RFLNA: variants seen among roughly 807,000 people sequenced by gnomAD.
The protein encoded by RFLNA is refilin-A.
RFLNA carries 5 observed loss-of-function variants against 7.8 expected under a neutral mutation model. The observed-to-expected ratio is 0.64, with a 90% CI of 0.34 to 1.35. The LOEUF is 1.35. RFLNA is among the 40% of genes most tolerant of loss of function. The probability of loss-of-function intolerance (pLI) is 0.04; values close to 1 mark genes in which losing one functional copy is unlikely to be tolerated. For synonymous variants in RFLNA, 141 were observed against 131.3 expected, an observed-to-expected ratio of 1.07 and a Z score of -0.50; for missense variants, 278 against 305.5, an observed-to-expected ratio of 0.91 and a Z score of 0.67.
upstream of RFLNA, among the ~76,000 whole-genome samples, chr12:124,293,490 T>C (rs866164768): frequency 1.3e-5 from 2 of 152,096 alleles, no homozygotes; most frequent in Admixed American, 6.5e-5. Flanking sequence ...GCTTTCGTCC[T>C]AGTCAGTGAC....
At chr12:124,304,250 G>A (rs1261551933) in intron 1 of RFLNA, among the ~76,000 whole-genome samples, 1 of 152,276 alleles carries the variant, frequency 6.6e-6, no homozygotes, top group Non-Finnish European at 1.5e-5. Context: ...AGCTCCGCGG[G>A]AGTGTCCTGG....
upstream of RFLNA, among the ~76,000 whole-genome samples, chr12:124,294,181 G>A (rs147718628): frequency 5.0e-3 from 762 of 152,264 alleles, 5 homozygotes; most frequent in African/African-American, 0.014. Flanking sequence ...CCGGCTTCCC[G>A]CCCCTGATCT....
chr12:124,290,370 GTGTT>G (rs1362686457), upstream of RFLNA, among the ~76,000 whole-genome samples: 8 of 152,290 alleles, frequency 5.3e-5, no homozygotes, highest in Non-Finnish European at 8.8e-5. This position sits in a 1 kb window ranked among gnomAD's most constrained non-coding sequence, Gnocchi z 4.0. Flanking sequence ...GTGTATTTGT[GTGTT>G]TGTGTATATG....
chr12:124,302,771 CA>C (rs2034060542), intron 1 of RFLNA, among the ~76,000 whole-genome samples: 1 of 146,496 alleles, frequency 6.8e-6, no homozygotes, highest in African/African-American at 2.5e-5. Flanking sequence ...CCAGGGAGGT[CA>C]GGGGCCGAGG....
At chr12:124,313,912 A>G (rs1418578278) in intron 2 of RFLNA, among the ~76,000 whole-genome samples, 3 of 152,174 alleles carry the variant, frequency 2.0e-5, no homozygotes, top group Non-Finnish European at 1.5e-5. Flanking sequence ...AGTTTCACCC[A>G]TCGTCCCGAT....
At chr12:124,311,965 TG>T (rs749185607) in intron 2 of RFLNA, 38 bp downstream of exon 2, 55 of 305,334 alleles carry the variant, frequency 1.8e-4, no homozygotes, top group South Asian at 5.1e-4. Context: ...GAGGAGGGGG[TG>T]GGGGGTTGGG....
chr12:124,310,093 A>G (rs1421637569), intron 1 of RFLNA, among the ~76,000 whole-genome samples: 1 of 146,372 alleles, frequency 6.8e-6, no homozygotes, highest in Non-Finnish European at 1.5e-5. Flanking sequence ...GGATTGCTTG[A>G]ACCCAGAAGT....
chr12:124,295,246 G>T lies in RFLNA; in HGVS notation c.-184G>T, dbSNP rs1022882945. On this transcript the variant is annotated 5_prime_UTR_variant, in exon 1 of 3. Transcript: ENST00000546355. ...TGGCAGGAGCGCGGCCCACGGCGGC[G>T]AGCAGGCTGCAGGCCCGCGGGGATC... is the stretch of plus-strand genomic sequence containing the variant. 1.3e-5 allele frequency: 2 copies of T among 157,168 alleles called. No homozygotes were observed. Among genetic ancestry groups the T allele is most frequent in the East Asian group, 1.9e-4 (1 of 5,248 alleles). 9.7% of individuals were successfully genotyped at this position (157,168 alleles called of 1,614,324 possible).
chr12:124,314,078 C>T, intron 2 of RFLNA, 114 bp from the exon 3 acceptor site: 1 of 1,341,918 alleles, frequency 7.5e-7, no homozygotes, highest in Non-Finnish European at 1.0e-6. Flanking sequence ...GAGCAGCCCA[C>T]ACCCGTTAGG....
At chr12:124,302,470 C>A (rs995106876) in intron 1 of RFLNA, among the ~76,000 whole-genome samples, 2 of 152,164 alleles carry the variant, frequency 1.3e-5, no homozygotes, top group Non-Finnish European at 2.9e-5. Flanking sequence ...GGGATCCCCC[C>A]CAAGCAGACT....
chr12:124,293,934 T>C (rs932054400), upstream of RFLNA, among the ~76,000 whole-genome samples: 1 of 152,230 alleles, frequency 6.6e-6, no homozygotes. Flanking sequence ...AGTTGTCCCT[T>C]TGACTATTCT....
At chr12:124,310,367 C>A (rs986943707) in intron 1 of RFLNA, among the ~76,000 whole-genome samples, 5 of 150,960 alleles carry the variant, frequency 3.3e-5, no homozygotes, top group African/African-American at 9.7e-5. Flanking sequence ...GGAACACTTC[C>A]GGAGGGAAGA....
intron 1 of RFLNA, among the ~76,000 whole-genome samples, chr12:124,308,974 G>A (rs1040306276): frequency 5.3e-5 from 8 of 152,238 alleles, no homozygotes; most frequent in East Asian, 1.9e-4. Context: ...GAGGAATGGC[G>A]TTTTTCAACC....
rs2034215375 is a variant in RFLNA, at chr12:124,310,185, A to AAAAAAAAAAAAAAAAAAAAAAAAAAAAC, written c.208-1622_208-1621insAAAAAAAAAAAAAAAACAAAAAAAAAAA. On this transcript the variant is annotated intron_variant, in intron 1 of 2. Transcript: ENST00000546355. ...GAGACTCTGTCTCAAAAAAAAAAAA[A>AAAAAAAAAAAAAAAAAAAAAAAAAAAAC]AAAAAAAAAAAGCCTTTAGAAACAG... 1.4e-5 allele frequency among the ~76,000 whole-genome samples: 2 copies of AAAAAAAAAAAAAAAAAAAAAAAAAAAAC among 144,794 alleles called. 1 individual carries two copies. The highest frequency in any genetic ancestry group is 3.0e-5 in the Non-Finnish European group (2 of 65,624). 95.0% of individuals were successfully genotyped at this position (144,794 alleles called of 152,430 possible). A position where few individuals can be genotyped will look rare whatever the true frequency, so the allele number is the denominator to read the frequency against.
intron 1 of RFLNA, among the ~76,000 whole-genome samples, chr12:124,310,195 A>AAAAAAAAAAAAAATAT (rs1227402468): frequency 6.8e-6 from 1 of 146,098 alleles, no homozygotes; most frequent in East Asian, 2.0e-4. Context: ...AAAAAAAAAA[A>AAAAAAAAAAAAAATAT]AGCCTTTAGA....
upstream of RFLNA, among the ~76,000 whole-genome samples, chr12:124,294,866 GACCCCACAAGGC>G (rs2033876427): frequency 6.6e-6 from 1 of 152,270 alleles, no homozygotes; most frequent in Non-Finnish European, 1.5e-5. Flanking sequence ...ATGACTTGGG[GACCCCACAAGGC>G]ACCCTCGGTG....
chr12:124,306,491 C>T lies in RFLNA; in HGVS notation c.208-5327C>T, dbSNP rs2034140164. Among the ~76,000 whole-genome samples, 1 of 152,026 alleles carries T rather than the reference C, an allele frequency of 6.6e-6. No homozygotes were observed. Among genetic ancestry groups the T allele is most frequent in the African/African-American group, 2.4e-5 (1 of 41,392 alleles). ...TCGGGGGAGCCTGGAGCTGAGGGGG[C>T]AGCGATGAGACAGGCCCCTGGGCAT... On this transcript the variant is annotated intron_variant, in intron 1 of 2. Transcript: ENST00000546355. This position sits in a 1 kb window ranked among gnomAD's most constrained non-coding sequence, Gnocchi z 5.2.
At chr12:124,308,296 T>C (rs1288558174) in intron 1 of RFLNA, among the ~76,000 whole-genome samples, 1 of 152,244 alleles carries the variant, frequency 6.6e-6, no homozygotes, top group Non-Finnish European at 1.5e-5. Flanking sequence ...TCCACGCTTC[T>C]TGTAGGGACA....
intron 2 of RFLNA, 45 bp from the exon 3 acceptor site, chr12:124,314,147 G>T: frequency 6.3e-7 from 1 of 1,576,076 alleles, no homozygotes; most frequent in Non-Finnish European, 8.6e-7. Context: ...GAATCGGGCT[G>T]CCCCCAATCC....
Sources: allele counts gnomAD v4.1 joint callset (sites outside exome capture counted in the v4.1 genomes callset), GRCh38; gene constraint gnomAD v4.1.1; non-coding constraint Gnocchi (gnomAD v3.1); transcripts MANE v1.5; gene names NCBI Gene and HGNC (gene_info 2026-07-23, HGNC 2026-07-21).